The following KATNIP variants were observed in gnomAD, a reference collection of about 807,000 sequenced individuals.
KATNIP encodes katanin-interacting protein.
KATNIP carries 126 observed loss-of-function variants against 174.0 expected under a neutral mutation model. The ratio of observed to expected loss-of-function variants is 0.72; its 90% CI spans 0.63 to 0.84. The LOEUF (loss-of-function observed/expected upper bound fraction) is 0.84, where lower values mean the gene tolerates loss of function less well. KATNIP is among the 40% of genes least tolerant of loss of function. KATNIP has a pLI of 0.00. For synonymous variants in KATNIP, 810 were observed against 835.7 expected (o/e 0.97, Z 0.53); for missense variants, 1,958 against 2,109.7 (o/e 0.93, Z 1.41).
chr16:27,648,622 A>G lies in KATNIP; in HGVS notation c.427A>G (p.Thr143Ala). Residue 143 changes from threonine (T) to alanine (A), a missense_variant, in exon 6 of 28, where the codon ACA becomes GCA. Thr to Ala is a moderately conservative substitution (Grantham distance 58). Coordinates refer to ENST00000261588, the MANE Select transcript of KATNIP (RefSeq NM_015202.5). The part of the protein sequence containing the change: ...GWHQKSVQIR[T>A]EAGPRLHIEP... ...TGTACAGAAATCTGTGCAGATCAGA[A>G]CAGAAGCTGGCCCACGGCTCCACAT... is the stretch of plus-strand genomic sequence containing the variant. 8 of 1,614,174 alleles carry G rather than the reference A, an allele frequency of 5.0e-6. No individual in the cohort carries two copies. Among genetic ancestry groups the G allele is most frequent in the Middle Eastern group, 1.7e-4 (1 of 6,060 alleles).
chr16:27,558,976 G>T (rs767461771), intron 1 of KATNIP, among the ~76,000 whole-genome samples: 3 of 152,222 alleles, frequency 2.0e-5, no homozygotes, highest in Admixed American at 6.5e-5. Context: ...CCTGGAGAGT[G>T]AGTCTGTGGG....
intron 1 of KATNIP, among the ~76,000 whole-genome samples, chr16:27,568,340 T>C (rs1200826585): frequency 6.6e-6 from 1 of 152,268 alleles, no homozygotes; most frequent in Admixed American, 6.5e-5. Flanking sequence ...ATATGTTTGT[T>C]TCCTATTTGT....
At chr16:27,571,987 GGTGTGTGT>G (rs368600782) in intron 1 of KATNIP, among the ~76,000 whole-genome samples, 2 of 150,664 alleles carry the variant, frequency 1.3e-5, no homozygotes, top group African/African-American at 4.9e-5. Flanking sequence ...AAATCCTGGG[GGTGTGTGT>G]GTGTGTGTGT....
rs545030529 is a variant in KATNIP, at chr16:27,719,334, G to A, written c.1606-2224G>A. Among the ~76,000 whole-genome samples, 33 of 152,282 alleles carry A rather than the reference G, an allele frequency of 2.2e-4. No individual in the cohort carries two copies. The East Asian group carries it at 6.4e-3, about 29-fold the overall frequency. ...CTGCCATGTCTTCCGAGTCTGCAGA[G>A]GGGTCAGAAATCTGGCTGTTTGGAG... On this transcript the variant is annotated intron_variant, in intron 13 of 27. Coordinates refer to ENST00000261588, the MANE Select transcript of KATNIP (RefSeq NM_015202.5).
chr16:27,618,562 TA>T, intron 3 of KATNIP, 61 bp downstream of exon 3: 1 of 1,244,058 alleles, frequency 8.0e-7, no homozygotes, highest in Non-Finnish European at 1.2e-6. Context: ...TATTTAGATT[TA>T]TTAACAGCAG....
chr16:27,729,798 T>A (rs187217173), intron 14 of KATNIP, among the ~76,000 whole-genome samples: 22 of 152,322 alleles, frequency 1.4e-4, no homozygotes, highest in Middle Eastern at 3.4e-3. Flanking sequence ...CTGACTTCCC[T>A]TTGCCCCTCA....
chr16:27,656,602 T>C (rs997948888), intron 6 of KATNIP, among the ~76,000 whole-genome samples: 4 of 150,996 alleles, frequency 2.6e-5, no homozygotes, highest in African/African-American at 9.7e-5. Flanking sequence ...TGGAATACTA[T>C]GCAGCCATAA....
chr16:27,617,104 A>G (rs1160060824), intron 2 of KATNIP, among the ~76,000 whole-genome samples: 1 of 152,150 alleles, frequency 6.6e-6, no homozygotes, highest in Non-Finnish European at 1.5e-5. Flanking sequence ...CCCAGCCATA[A>G]TAAATTATAC....
Position 27,777,789 on chromosome 16 carries a change from C to A in KATNIP, c.4712+19C>A. 1 of 1,612,850 alleles carries A rather than the reference C, an allele frequency of 6.2e-7. No homozygotes were observed. Among genetic ancestry groups the A allele is most frequent in the Non-Finnish European group, 8.5e-7 (1 of 1,179,098 alleles). On this transcript the variant is annotated intron_variant, in intron 26 of 27. Coordinates refer to ENST00000261588, the MANE Select transcript of KATNIP (RefSeq NM_015202.5). This position sits in a 1 kb window ranked among gnomAD's most constrained non-coding sequence, Gnocchi z 4.4. ...CCATCAGGTAGGGCCCCAGCCGGCC[C>A]CATGGCCTCCCCACCAGCCCTAAGG...
intron 2 of KATNIP, among the ~76,000 whole-genome samples, chr16:27,611,951 G>T (rs999712933): frequency 6.6e-6 from 1 of 152,174 alleles, no homozygotes; most frequent in African/African-American, 2.4e-5. Flanking sequence ...AGCCTTCATG[G>T]GGACTTTGGG....
At chr16:27,670,981 CAA>C (rs1467009093) in intron 6 of KATNIP, among the ~76,000 whole-genome samples, 2 of 152,080 alleles carry the variant, frequency 1.3e-5, no homozygotes, top group Non-Finnish European at 2.9e-5. Flanking sequence ...CACCTGAGGT[CAA>C]GAGTTCAAGA....
chr16:27,580,144 G>A (rs925425823), intron 2 of KATNIP, among the ~76,000 whole-genome samples: 3 of 152,012 alleles, frequency 2.0e-5, no homozygotes, highest in Non-Finnish European at 4.4e-5. Context: ...ACAGGGTCTC[G>A]CTGTGTTACC....
intron 20 of KATNIP, among the ~76,000 whole-genome samples, chr16:27,769,010 C>T (rs1046066537): frequency 1.3e-5 from 2 of 152,260 alleles, no homozygotes; most frequent in Non-Finnish European, 1.5e-5. Flanking sequence ...GCCCATAGAG[C>T]AGGTGGTGGC....
At chr16:27,715,494 A>G (rs2079891655) in intron 13 of KATNIP, among the ~76,000 whole-genome samples, 5 of 152,368 alleles carry the variant, frequency 3.3e-5, no homozygotes, top group African/African-American at 1.2e-4. Context: ...CTGTCAAGAA[A>G]GTAAAAATAC....
At chr16:27,752,091 C>A (rs1406387914) in intron 17 of KATNIP, among the ~76,000 whole-genome samples, 167 bp downstream of exon 17, 1 of 152,182 alleles carries the variant, frequency 6.6e-6, no homozygotes, top group African/African-American at 2.4e-5. Context: ...TGTCATATTT[C>A]ATTCTCTAAT....
Position 27,777,109 on chromosome 16 carries a change from G to A in KATNIP, c.4551+80G>A. 1.1e-6 allele frequency: 1 copy of A among 951,432 alleles called. No individual in the cohort carries two copies. The highest frequency in any genetic ancestry group is 1.7e-6 in the Non-Finnish European group (1 of 586,536). The allele number at this position is 951,432 out of a possible 1,614,324, so 58.9% of individuals were successfully genotyped here. On this transcript the variant is annotated intron_variant, in intron 25 of 27. Coordinates refer to ENST00000261588, the MANE Select transcript of KATNIP (RefSeq NM_015202.5). The surrounding 1 kb of genome is among the most constrained non-coding windows in gnomAD (Gnocchi z 4.4). ...CCGCCGGCAATTATCATTTGTCGCA[G>A]TTTGATTTACTTCTCTCTGTTGCAA...
At chr16:27,713,147 C>A (rs1359478517) in intron 13 of KATNIP, among the ~76,000 whole-genome samples, 1 of 152,074 alleles carries the variant, frequency 6.6e-6, no homozygotes. Flanking sequence ...AGTTTTGATT[C>A]CCCTGCCCTC....
rs139502971 is a variant in KATNIP at position 27,770,010 on chromosome 16, G to A, written c.4125G>A (p.Pro1375=). The change falls in exon 21 of 28, where the codon CCG becomes CCA. Residue 1375 remains proline (P), a synonymous_variant. Transcript: ENST00000261588. The part of the protein sequence containing the change: ...DYLRAQLLPQ[P]ARRLDMRSLE... ...TACGGGCTCAGCTGCTGCCCCAGCCGGCCAGGAGGTGAGGAGAAAGTGGGC... is the reference window on the plus strand; with the variant it reads ...TACGGGCTCAGCTGCTGCCCCAGCCAGCCAGGAGGTGAGGAGAAAGTGGGC... 235 of 1,613,120 alleles carry A rather than the reference G, an allele frequency of 1.5e-4. No homozygotes were observed. Among genetic ancestry groups the A allele is most frequent in the African/African-American group, 3.7e-4 (28 of 74,916 alleles).
intron 14 of KATNIP, among the ~76,000 whole-genome samples, chr16:27,735,093 T>C (rs1026728902): frequency 6.6e-6 from 1 of 152,222 alleles, no homozygotes; most frequent in African/African-American, 2.4e-5. Context: ...TTGTTTGGCC[T>C]GCAGAGTGCT....
Sources: gnomAD v4.1 joint callset for allele counts (sites outside exome capture counted in the v4.1 genomes callset) on GRCh38, gnomAD v4.1.1 for gene constraint, Gnocchi (gnomAD v3.1) non-coding constraint, MANE v1.5 for transcripts, NCBI Gene and HGNC (gene_info 2026-07-23, HGNC 2026-07-21) for gene names.